Variants in PIK3R5 observed in about 807,000 individuals in gnomAD.
PIK3R5 encodes phosphoinositide 3-kinase regulatory subunit 5.
PIK3R5 carries 32 observed loss-of-function variants against 94.9 expected under a neutral mutation model. The observed-to-expected ratio is 0.34, with a 90% CI of 0.25 to 0.45. The LOEUF (loss-of-function observed/expected upper bound fraction) is 0.45, where lower values mean the gene tolerates loss of function less well. Among genes scored for constraint, PIK3R5 ranks in the 20% least tolerant of loss-of-function variants. The pLI, the probability that PIK3R5 is intolerant of heterozygous loss-of-function variation, is 1.00. For synonymous variants in PIK3R5, 443 were observed against 479.4 expected (o/e 0.92, Z 0.99); for missense variants, 853 against 1,144.6 (o/e 0.75, Z 3.68).
At chr17:8,961,420 C>A (rs1300834137) in intron 1 of PIK3R5, among the ~76,000 whole-genome samples, 1 of 152,112 alleles carries the variant, frequency 6.6e-6, no homozygotes, top group Non-Finnish European at 1.5e-5. Context: ...AGAACACCTG[C>A]GGTCTGGAGT....
At position 8,884,622 on chromosome 17, in the gene PIK3R5, C is replaced by A; in HGVS notation, c.2205+85G>T. 1.9e-6 allele frequency: 2 copies of A among 1,072,170 alleles called. No homozygotes were observed. The highest frequency in any genetic ancestry group is 1.3e-5 in the South Asian group (1 of 75,122). 66.4% of individuals were successfully genotyped at this position (1,072,170 alleles called of 1,614,324 possible). On this transcript the variant is annotated intron_variant, in intron 15 of 18. Transcript: ENST00000447110. The surrounding 1 kb of genome is among the most constrained non-coding windows in gnomAD (Gnocchi z 5.8). ...GTAAAGACTGGGGCCCAGGAACACACGAGTCCAGCTCTGGGTCCAAGCTCT... is the reference window on the plus strand; with the variant it reads ...GTAAAGACTGGGGCCCAGGAACACAAGAGTCCAGCTCTGGGTCCAAGCTCT...
At chr17:8,950,534 G>C (rs1157099569) in intron 1 of PIK3R5, among the ~76,000 whole-genome samples, 2 of 152,180 alleles carry the variant, frequency 1.3e-5, no homozygotes, top group Non-Finnish European at 2.9e-5. Flanking sequence ...ACTTGTAAGA[G>C]AGAACATATG....
intron 1 of PIK3R5, among the ~76,000 whole-genome samples, chr17:8,949,971 GC>G (rs2091347412): frequency 6.6e-6 from 1 of 152,080 alleles, no homozygotes; most frequent in East Asian, 1.9e-4. Flanking sequence ...CAGTCCCCTG[GC>G]AACATTCTCT....
At position 8,892,501 on chromosome 17, in the gene PIK3R5, C is replaced by T. The variant is rs1567639350; in HGVS notation, c.482+1085G>A. Reference sequence around the variant, plus strand: ...CCTTATGTGAAAAATCCCTTTCTCACGGGGTTAACGTGAGGATTAAATGAG... The same window carrying T: ...CCTTATGTGAAAAATCCCTTTCTCATGGGGTTAACGTGAGGATTAAATGAG... On this transcript the variant is annotated intron_variant, in intron 6 of 18. Transcript: ENST00000447110. This position sits in a 1 kb window ranked among gnomAD's most constrained non-coding sequence, Gnocchi z 4.3. Among the ~76,000 whole-genome samples, 2 of 152,044 alleles carry T rather than the reference C, an allele frequency of 1.3e-5. No individual in the cohort carries two copies. Among genetic ancestry groups the T allele is most frequent in the African/African-American group, 2.4e-5 (1 of 41,392 alleles).
rs1341401176 is a variant in PIK3R5, at chr17:8,909,539, G to A, written c.104-365C>T. Among the ~76,000 whole-genome samples the A allele has an allele frequency of 6.6e-6, 1 of 152,150 alleles. No individual in the cohort carries two copies. The highest frequency in any genetic ancestry group is 6.5e-5 in the Admixed American group (1 of 15,274). On this transcript the variant is annotated intron_variant, in intron 2 of 18. Coordinates refer to ENST00000447110, the MANE Select transcript of PIK3R5 (RefSeq NM_001142633.3). This position sits in a 1 kb window ranked among gnomAD's most constrained non-coding sequence, Gnocchi z 4.3. ...CCTGACCTCGTGATCCGCCCGCCTC[G>A]GACTCCCAAAGTGCTGGGATTATAG...
chr17:8,911,588 C>G lies in PIK3R5; in HGVS notation c.-13-81G>C. 1 of 900,284 alleles carries G rather than the reference C, an allele frequency of 1.1e-6. No individual in the cohort carries two copies. Among genetic ancestry groups the G allele is most frequent in the Non-Finnish European group, 1.7e-6 (1 of 576,452 alleles). The allele number at this position is 900,284 out of a possible 1,614,324, so 55.8% of individuals were successfully genotyped here. ...TGGTCCAGTAAAGACAACAGGTGCT[C>G]ACAGTGCAGCGCGATCAGCCCAGCC... On this transcript the variant is annotated intron_variant, in intron 1 of 18. Transcript: ENST00000447110. The surrounding 1 kb of genome is among the most constrained non-coding windows in gnomAD (Gnocchi z 5.3).
intron 1 of PIK3R5, among the ~76,000 whole-genome samples, chr17:8,941,581 G>T (rs2091180000): frequency 6.6e-6 from 1 of 152,226 alleles, no homozygotes; most frequent in East Asian, 1.9e-4. Flanking sequence ...AGAAAAGCAA[G>T]CTGTGCTGCG....
Position 8,881,065 on chromosome 17 carries a change from T to C in PIK3R5, c.2383-48A>G. ...CCCCAAATCCCTGGCCATCCAACAC[T>C]GCCAGCCCCTGGCAGTTCCTTTTCT... On this transcript the variant is annotated intron_variant, in intron 17 of 18. Coordinates refer to ENST00000447110, the MANE Select transcript of PIK3R5 (RefSeq NM_001142633.3). The surrounding 1 kb of genome is among the most constrained non-coding windows in gnomAD (Gnocchi z 4.8). The C allele has an allele frequency of 2.9e-6, 4 of 1,360,730 alleles. No homozygotes were observed. The highest frequency in any genetic ancestry group is 4.2e-6 in the Non-Finnish European group (4 of 948,544). The allele number at this position is 1,360,730 out of a possible 1,614,324, so 84.3% of individuals were successfully genotyped here. A position where few individuals can be genotyped will look rare whatever the true frequency, so the allele number is the denominator to read the frequency against.
chr17:8,885,003 C>T, intron 14 of PIK3R5: 1 of 554,656 alleles, frequency 1.8e-6, no homozygotes, highest in Non-Finnish European at 3.2e-6. Flanking sequence ...CCCATCTCCG[C>T]TGTGATCACA....
At chr17:8,958,625 A>G (rs1201819192) in intron 1 of PIK3R5, among the ~76,000 whole-genome samples, 1 of 152,230 alleles carries the variant, frequency 6.6e-6, no homozygotes, top group Non-Finnish European at 1.5e-5. Flanking sequence ...ACAAAGCCCC[A>G]AGCTCATGCC....
At position 8,888,465 on chromosome 17, in the gene PIK3R5, C is replaced by A; in HGVS notation, c.1322G>T (p.Arg441Leu). The A allele has an allele frequency of 6.2e-7, 1 of 1,600,576 alleles. No individual in the cohort carries two copies. The highest frequency in any genetic ancestry group is 8.5e-7 in the Non-Finnish European group (1 of 1,174,422). The stretch of plus-strand genomic sequence containing the variant: ...CGTGTCCGAGCTGCCCTCCAGGCTC[C>A]GAGAGTCCCTCCGCAGTACCAGCTG... ...TSQLVLRRDS[R>L]SLEGSSDTAL... The change falls in exon 10 of 19, where the codon CGG (arginine) becomes CTG (leucine). Residue 441 changes from arginine (R) to leucine (L), a missense_variant. By Grantham distance (102) the Arg-to-Leu change is moderately radical. Coordinates refer to ENST00000447110, the MANE Select transcript of PIK3R5 (RefSeq NM_001142633.3). The surrounding 1 kb of genome is among the most constrained non-coding windows in gnomAD (Gnocchi z 7.8).
intron 5 of PIK3R5, among the ~76,000 whole-genome samples, chr17:8,902,731 A>G (rs1177111639): frequency 6.6e-6 from 1 of 151,934 alleles, no homozygotes. Flanking sequence ...GGCTAATACA[A>G]CCTATTTTTC....
At position 8,904,172 on chromosome 17, in the gene PIK3R5, C is replaced by G. The variant is rs61759591; in HGVS notation, c.412+605G>C. On this transcript the variant is annotated intron_variant, in intron 5 of 18. Coordinates refer to ENST00000447110, the MANE Select transcript of PIK3R5 (RefSeq NM_001142633.3). The surrounding 1 kb of genome is among the most constrained non-coding windows in gnomAD (Gnocchi z 5.1). Reference sequence around the variant, plus strand: ...GCCGCTTCTCAGTAAATCACACTTGCTAAGTTTTCTCCTGCACTACTGTAG... The same window carrying G: ...GCCGCTTCTCAGTAAATCACACTTGGTAAGTTTTCTCCTGCACTACTGTAG... Among the ~76,000 whole-genome samples, 1 of 152,148 alleles carries G rather than the reference C, an allele frequency of 6.6e-6. No homozygotes were observed. The highest frequency in any genetic ancestry group is 2.4e-5 in the African/African-American group (1 of 41,418).
chr17:8,915,859 C>CT (rs2090619988), intron 1 of PIK3R5: 1 of 152,474 alleles, frequency 6.6e-6, no homozygotes. Context: ...CATAGGACTG[C>CT]TGCTAGCACA....
chr17:8,965,440 T>A (rs1169077498), intron 1 of PIK3R5, among the ~76,000 whole-genome samples, 156 bp downstream of exon 1: 1 of 152,164 alleles, frequency 6.6e-6, no homozygotes, highest in Non-Finnish European at 1.5e-5. Context: ...GTGGGCCAGG[T>A]CCACGGGGCC....
chr17:8,919,547 T>C (rs2151426348), intron 1 of PIK3R5, among the ~76,000 whole-genome samples: 1 of 152,364 alleles, frequency 6.6e-6, no homozygotes, highest in African/African-American at 2.4e-5. Context: ...AAGTTATGTT[T>C]TCATTTTAAT....
intron 1 of PIK3R5, among the ~76,000 whole-genome samples, chr17:8,936,836 G>C (rs946611025): frequency 2.0e-5 from 3 of 152,164 alleles, no homozygotes; most frequent in Non-Finnish European, 4.4e-5. Context: ...CGAGTCTAGA[G>C]ATAAAACTAA....
Position 8,886,611 on chromosome 17 carries a change from G to T in PIK3R5, c.1906-6C>A. 1.3e-6 allele frequency: 2 copies of T among 1,576,620 alleles called. No individual in the cohort carries two copies. Among genetic ancestry groups the T allele is most frequent in the Non-Finnish European group, 8.6e-7 (1 of 1,165,304 alleles). ...GCTTCAGCCTTCAGGGACTGCTGTG[G>T]CCAGAGGGAAGGGGCAGCCAAGCCA... On this transcript the variant is annotated splice_region_variant and splice_polypyrimidine_tract_variant and intron_variant, in intron 12 of 18. Transcript: ENST00000447110.
chr17:8,881,806 G>A lies in PIK3R5; in HGVS notation c.2281C>T (p.Arg761Trp), dbSNP rs201299435. 45 of 1,613,896 alleles carry A rather than the reference G, an allele frequency of 2.8e-5. No individual in the cohort carries two copies. The highest frequency in any genetic ancestry group is 3.5e-5 in the Non-Finnish European group (41 of 1,179,938). The change falls in exon 16 of 19, where the codon CGG becomes TGG. Residue 761 changes from arginine (R) to tryptophan (W), a missense_variant. Coordinates refer to ENST00000447110, the MANE Select transcript of PIK3R5 (RefSeq NM_001142633.3). The surrounding 1 kb of genome is among the most constrained non-coding windows in gnomAD (Gnocchi z 4.8). ...CTSVNLNKAC[R>W]KQEELDSSME... ...CACTCACCCAGCTCCTCCTGCTTCC[G>A]GCAGGCCTTGTTGAGGTTCACGGAG...
Sources: allele counts gnomAD v4.1 joint callset (sites outside exome capture counted in the v4.1 genomes callset), GRCh38; gene constraint gnomAD v4.1.1; non-coding constraint Gnocchi (gnomAD v3.1); transcripts MANE v1.5; gene names NCBI Gene and HGNC (gene_info 2026-07-23, HGNC 2026-07-21).